The following ARHGAP15 variants were observed in gnomAD, a reference collection of about 807,000 sequenced individuals.
The protein encoded by ARHGAP15 is Rho GTPase activating protein 15, also known as rho GTPase-activating protein 15.
Under a neutral mutation model 63.7 loss-of-function variants are expected in ARHGAP15, and 51 were observed. That is an observed-to-expected ratio of 0.80 (90% confidence interval 0.64 to 1.01). The LOEUF (loss-of-function observed/expected upper bound fraction) is 1.01, where lower values mean the gene tolerates loss of function less well. Ranked by LOEUF, ARHGAP15 falls within the 50% of genes least tolerant of loss-of-function variation. ARHGAP15 has a pLI of 0.00. For missense variants in ARHGAP15, 560 were observed against 564.6 expected (o/e 0.99, Z 0.08); for synonymous variants, 191 against 193.8 (o/e 0.99, Z 0.12).
At position 143,768,170 on chromosome 2, in the gene ARHGAP15, T is replaced by A. The variant is rs777170639; in HGVS notation, c.1426T>A (p.Ter476ArgextTer16). The A allele has an allele frequency of 3.1e-6, 5 of 1,612,612 alleles. No homozygotes were observed. Among genetic ancestry groups the A allele is most frequent in the African/African-American group, 1.3e-5 (1 of 74,868 alleles). The change falls in exon 14 of 14, where the codon TGA becomes AGA. Residue 476 changes from the stop codon to arginine, a stop_lost. Transcript: ENST00000295095. Reference protein sequence around the residue: ...YSKIFGSEED* With the variant: ...YSKIFGSEEDR ...TAAGATCTTCGGCTCAGAGGAAGAC[T>A]GACAGACAAGACAAGCTACTGAATA...
At chr2:143,543,864 CT>C (rs1236957816) in intron 10 of ARHGAP15, among the ~76,000 whole-genome samples, 3 of 152,014 alleles carry the variant, frequency 2.0e-5, no homozygotes, top group Non-Finnish European at 2.9e-5. Flanking sequence ...GTGCATACTT[CT>C]TTGTTAGATG....
At chr2:143,765,212 C>G (rs1686909625) in intron 13 of ARHGAP15, among the ~76,000 whole-genome samples, 1 of 151,038 alleles carries the variant, frequency 6.6e-6, no homozygotes, top group African/African-American at 2.4e-5. Context: ...TGGGAAAAAC[C>G]TGCATTGCCT....
intron 6 of ARHGAP15, among the ~76,000 whole-genome samples, chr2:143,378,916 G>T (rs184916069): frequency 8.2e-4 from 125 of 151,910 alleles, no homozygotes; most frequent in Non-Finnish European, 2.7e-4. Context: ...GAAGGGAATG[G>T]GTGGAATCTT....
At chr2:143,133,959 A>G (rs1057393327) in intron 1 of ARHGAP15, among the ~76,000 whole-genome samples, 2 of 152,152 alleles carry the variant, frequency 1.3e-5, no homozygotes, top group Non-Finnish European at 2.9e-5. Context: ...AAAACTAAGG[A>G]ACTAATTCTC....
In ARHGAP15 at chr2:143,152,651, A is replaced by C. The variant is rs958571426; in HGVS notation, c.-14-2826A>C. On this transcript the variant is annotated intron_variant, in intron 1 of 13. Coordinates refer to ENST00000295095, the MANE Select transcript of ARHGAP15 (RefSeq NM_018460.4). ...AATCTTTAAGACGAGGTTTTGTGTC[A>C]TTTTTCTCTATCTTCCCAGAGCAAT... Among the ~76,000 whole-genome samples, 2 of 152,074 alleles carry C rather than the reference A, an allele frequency of 1.3e-5. 1 individual carries two copies. The highest frequency in any genetic ancestry group is 4.2e-4 in the South Asian group (2 of 4,818).
At chr2:143,387,155 A>G (rs1352853070) in intron 6 of ARHGAP15, among the ~76,000 whole-genome samples, 1 of 152,118 alleles carries the variant, frequency 6.6e-6, no homozygotes, top group Non-Finnish European at 1.5e-5. Flanking sequence ...CCTAAACTAA[A>G]AGTTAAAAAA....
At chr2:143,210,412 A>G (rs147375845) in intron 3 of ARHGAP15, among the ~76,000 whole-genome samples, 105 of 152,222 alleles carry the variant, frequency 6.9e-4, no homozygotes, top group African/African-American at 2.5e-3. Context: ...ATCAAATAAT[A>G]ACATTTTCAA....
rs375097730 is a variant in ARHGAP15, at chr2:143,333,681, G to A, written c.474+83081G>A. ...GGCTTCTACTTCAATAATTGATCAG[G>A]GTTTGTATAGCACCGGCTAAGAGCA... On this transcript the variant is annotated intron_variant, in intron 6 of 13. Transcript: ENST00000295095. Among the ~76,000 whole-genome samples the A allele has an allele frequency of 7.2e-5, 11 of 152,118 alleles. No homozygotes were observed. In the East Asian group the frequency reaches 7.7e-4, roughly 11 times the overall value.
intron 12 of ARHGAP15, among the ~76,000 whole-genome samples, chr2:143,673,783 T>TATATATATATATATATATAA (rs1331843273): frequency 8.3e-6 from 1 of 121,122 alleles, no homozygotes; most frequent in Non-Finnish European, 1.8e-5. Context: ...TATATATATA[T>TATATATATATATATATATAA]AAACAACTCC....
chr2:143,335,331 G>A (rs1203656793), intron 6 of ARHGAP15, among the ~76,000 whole-genome samples: 2 of 152,112 alleles, frequency 1.3e-5, no homozygotes, highest in African/African-American at 4.8e-5. Context: ...TCACAATAAT[G>A]GAAAATCCTC....
chr2:143,421,097 G>C (rs1482888885), intron 6 of ARHGAP15, among the ~76,000 whole-genome samples: 1 of 152,156 alleles, frequency 6.6e-6, no homozygotes, highest in African/African-American at 2.4e-5. Flanking sequence ...ATCATGGTGA[G>C]GTATCTCAGA....
intron 12 of ARHGAP15, among the ~76,000 whole-genome samples, chr2:143,700,548 C>A (rs1684040226): frequency 6.6e-6 from 1 of 152,136 alleles, no homozygotes; most frequent in Admixed American, 6.6e-5. Context: ...CTCCTCCTCT[C>A]TCCTCTCCTC....
chr2:143,306,031 GGTT>G (rs1285677977), intron 6 of ARHGAP15, among the ~76,000 whole-genome samples: 1 of 151,926 alleles, frequency 6.6e-6, no homozygotes, highest in African/African-American at 2.4e-5. Context: ...TTTTAACAAA[GGTT>G]GTTTTTTAAT....
At chr2:143,738,258 A>T (rs1013113019) in intron 13 of ARHGAP15, among the ~76,000 whole-genome samples, 8 of 151,654 alleles carry the variant, frequency 5.3e-5, no homozygotes, top group Non-Finnish European at 1.2e-4. Context: ...AGGAAGTTAA[A>T]TTTTTTTTTA....
chr2:143,573,484 A>C (rs1696545836), intron 11 of ARHGAP15, among the ~76,000 whole-genome samples: 1 of 152,188 alleles, frequency 6.6e-6, no homozygotes, highest in African/African-American at 2.4e-5. Flanking sequence ...CGACTTGATT[A>C]ATTGTTACAG....
At chr2:143,346,478 A>G (rs1558910057) in intron 6 of ARHGAP15, among the ~76,000 whole-genome samples, 1 of 152,094 alleles carries the variant, frequency 6.6e-6, no homozygotes, top group Non-Finnish European at 1.5e-5. Flanking sequence ...TGGATATGTT[A>G]TGTCCAAATT....
chr2:143,529,994 A>G (rs1694453921), intron 10 of ARHGAP15, among the ~76,000 whole-genome samples: 1 of 152,126 alleles, frequency 6.6e-6, no homozygotes, highest in Non-Finnish European at 1.5e-5. Flanking sequence ...TACCTGGCAT[A>G]TGATAGGGCC....
chr2:143,528,259 C>T (rs1694366101), intron 10 of ARHGAP15, among the ~76,000 whole-genome samples: 1 of 152,060 alleles, frequency 6.6e-6, no homozygotes, highest in Non-Finnish European at 1.5e-5. Context: ...GGCTTAGGCT[C>T]AGTTCCCATA....
At chr2:143,411,183 C>T (rs558280254) in intron 6 of ARHGAP15, among the ~76,000 whole-genome samples, 15 of 151,584 alleles carry the variant, frequency 9.9e-5, no homozygotes, top group South Asian at 2.1e-4. Context: ...CCAGCCTGGG[C>T]GACAGAGCGA....
Sources: gnomAD v4.1 joint callset for allele counts (sites outside exome capture counted in the v4.1 genomes callset) on GRCh38, gnomAD v4.1.1 for gene constraint, MANE v1.5 for transcripts, NCBI Gene and HGNC (gene_info 2026-07-23, HGNC 2026-07-21) for gene names.